The following DPYD variants were observed in gnomAD, a reference collection of about 807,000 sequenced individuals.
The protein encoded by DPYD is dihydropyrimidine dehydrogenase, also known as dihydropyrimidine dehydrogenase [NADP(+)].
Under a neutral mutation model 116.2 loss-of-function variants are expected in DPYD, and 109 were observed. That is an observed-to-expected ratio of 0.94 (90% CI 0.80 to 1.10). The LOEUF (loss-of-function observed/expected upper bound fraction) is 1.10, where lower values mean the gene tolerates loss of function less well. Ranked by LOEUF, DPYD falls within the 50% of genes least tolerant of loss-of-function variation. The pLI, the probability that DPYD is intolerant of heterozygous loss-of-function variation, is 0.00. For missense variants in DPYD, 1,302 were observed against 1,254.5 expected (o/e 1.04, Z -0.57); for synonymous variants, 440 against 432.0 (o/e 1.02, Z -0.23).
intron 16 of DPYD, among the ~76,000 whole-genome samples, chr1:97,348,158 T>A (rs1669953877): frequency 6.6e-6 from 1 of 152,140 alleles, no homozygotes; most frequent in Non-Finnish European, 1.5e-5. Context: ...AAAAATTAAA[T>A]GCCCGATTAA....
intron 2 of DPYD, among the ~76,000 whole-genome samples, chr1:97,848,240 G>A (rs1350323468): frequency 2.0e-5 from 3 of 152,100 alleles, no homozygotes; most frequent in Non-Finnish European, 4.4e-5. Flanking sequence ...TCCAACTATA[G>A]GCGCCTGCCA....
chr1:97,342,733 G>A (rs1669645104), intron 16 of DPYD, among the ~76,000 whole-genome samples: 1 of 152,134 alleles, frequency 6.6e-6, no homozygotes, highest in Non-Finnish European at 1.5e-5. Context: ...CATTTGTGTT[G>A]GGAGTTGAAG....
intron 18 of DPYD, among the ~76,000 whole-genome samples, chr1:97,277,490 TG>T (rs1382537785): frequency 6.6e-6 from 1 of 152,200 alleles, no homozygotes; most frequent in Non-Finnish European, 1.5e-5. Context: ...GCCATAAAGC[TG>T]TTCTCCAGAG....
chr1:97,801,819 T>A (rs953448646), intron 3 of DPYD, among the ~76,000 whole-genome samples: 1 of 151,708 alleles, frequency 6.6e-6, no homozygotes, highest in African/African-American at 2.4e-5. Flanking sequence ...GTGCAGTAAC[T>A]ATTCACTGCT....
chr1:97,725,829 A>G (rs1320075576), intron 4 of DPYD, among the ~76,000 whole-genome samples: 1 of 151,580 alleles, frequency 6.6e-6, no homozygotes, highest in East Asian at 1.9e-4. Context: ...TCTGAGAGGG[A>G]ATGGACAATA....
At chr1:97,461,007 A>G (rs1676987904) in intron 13 of DPYD, among the ~76,000 whole-genome samples, 1 of 151,104 alleles carries the variant, frequency 6.6e-6, no homozygotes, top group Non-Finnish European at 1.5e-5. Context: ...ATTGCACTCT[A>G]GCCTGGGCAA....
At chr1:97,551,536 G>A (rs1012834250) in intron 11 of DPYD, among the ~76,000 whole-genome samples, 7 of 152,050 alleles carry the variant, frequency 4.6e-5, no homozygotes, top group African/African-American at 1.7e-4. Context: ...GCCTACAACA[G>A]ATCTGAAATA....
intron 16 of DPYD, among the ~76,000 whole-genome samples, chr1:97,349,826 T>C (rs969372381): frequency 3.9e-5 from 6 of 151,998 alleles, no homozygotes; most frequent in African/African-American, 1.2e-4. Flanking sequence ...TGTGTCTTTA[T>C]AGCAGCATGA....
At chr1:97,397,280 T>TGTA (rs1393197492) in intron 14 of DPYD, among the ~76,000 whole-genome samples, 2 of 151,964 alleles carry the variant, frequency 1.3e-5, no homozygotes, top group East Asian at 3.9e-4. Flanking sequence ...TATGTAGTCA[T>TGTA]GTAGTAGTAG....
intron 14 of DPYD, among the ~76,000 whole-genome samples, chr1:97,420,523 G>A (rs1674524193): frequency 6.6e-6 from 1 of 151,948 alleles, no homozygotes; most frequent in Non-Finnish European, 1.5e-5. Flanking sequence ...CAAAATGCAA[G>A]CAGGATCATA....
At chr1:97,098,781 G>A in intron 20 of DPYD, 149 bp from the exon 21 acceptor site, 1 of 878,714 alleles carries the variant, frequency 1.1e-6, no homozygotes, top group Non-Finnish European at 1.7e-6. Context: ...TCATTGTTTT[G>A]GACCACTAGT....
At chr1:97,324,548 T>C (rs922374242) in intron 16 of DPYD, among the ~76,000 whole-genome samples, 1 of 152,118 alleles carries the variant, frequency 6.6e-6, no homozygotes, top group African/African-American at 2.4e-5. Context: ...GTCCTTAGTT[T>C]CATGGACTAT....
chr1:97,484,878 G>A (rs145792846), intron 13 of DPYD, among the ~76,000 whole-genome samples: 86 of 152,016 alleles, frequency 5.7e-4, no homozygotes, highest in Admixed American at 1.2e-3. Context: ...TTATTTTTCC[G>A]CTCACTGTAT....
chr1:97,220,535 G>GAAT (rs1373195568), intron 19 of DPYD, among the ~76,000 whole-genome samples: 1 of 152,166 alleles, frequency 6.6e-6, no homozygotes, highest in Non-Finnish European at 1.5e-5. Context: ...AGGTGTCTGA[G>GAAT]AATATCCTTG....
At chr1:97,751,460 G>GTATATATATATATATATATATA (rs1553233231) in intron 3 of DPYD, among the ~76,000 whole-genome samples, 2 of 21,290 alleles carry the variant, frequency 9.4e-5, no homozygotes, top group Non-Finnish European at 1.6e-4. Context: ...GTGTGTGTGT[G>GTATATATATATATATATATATA]TATATATATA....
chr1:97,079,290 A>G, intron 22 of DPYD, 144 bp from the exon 23 acceptor site: 2 of 803,526 alleles, frequency 2.5e-6, no homozygotes, highest in Non-Finnish European at 4.3e-6. Context: ...CTATAGCAAC[A>G]GTTGAGCTGA....
At chr1:97,866,527 T>G (rs1478949201) in intron 2 of DPYD, among the ~76,000 whole-genome samples, 1 of 151,920 alleles carries the variant, frequency 6.6e-6, no homozygotes, top group Non-Finnish European at 1.5e-5. Context: ...AGGTGCCAGG[T>G]ATTGTTGTAG....
chr1:97,747,473 G>T (rs1164499836), intron 3 of DPYD, among the ~76,000 whole-genome samples: 2 of 152,276 alleles, frequency 1.3e-5, no homozygotes, highest in African/African-American at 4.8e-5. Context: ...GGGATTGAGA[G>T]TATGTACTTA....
rs576103482 is a variant in DPYD, at chr1:97,433,041, C to G, written c.1905+17018G>C. Among the ~76,000 whole-genome samples the G allele has an allele frequency of 5.9e-5, 9 of 152,228 alleles. No individual in the cohort carries two copies. The South Asian group carries it at 1.7e-3, about 28-fold the overall frequency. On this transcript the variant is annotated intron_variant, in intron 14 of 22. Transcript: ENST00000370192. ...AGTTCTCTCTGCTCTCTAGTTTCAC[C>G]ATGGTTTTTTGTGCTTCAGGATATC...
Sources: allele counts gnomAD v4.1 joint callset (sites outside exome capture counted in the v4.1 genomes callset), GRCh38; gene constraint gnomAD v4.1.1; transcripts MANE v1.5; gene names NCBI Gene and HGNC (gene_info 2026-07-23, HGNC 2026-07-21).